NMI: variants seen among roughly 807,000 people sequenced by gnomAD.
NMI encodes the protein N-myc-interactor.
In NMI, 39 loss-of-function variants were observed where a neutral mutation model predicts 34.3. The ratio of observed to expected loss-of-function variants is 1.14; its 90% CI spans 0.88 to 1.49. NMI has a LOEUF of 1.49. Ranked by LOEUF, NMI falls within the 40% of genes most tolerant of loss-of-function variation. The pLI, the probability that NMI is intolerant of heterozygous loss-of-function variation, is 0.00. For missense variants in NMI, 339 were observed against 358.1 expected, an observed-to-expected ratio of 0.95 and a Z score of 0.43; for synonymous variants, 113 against 120.3, an observed-to-expected ratio of 0.94 and a Z score of 0.40.
At chr2:151,285,597 A>G (rs1683482553) in intron 1 of NMI, among the ~76,000 whole-genome samples, 1 of 151,878 alleles carries the variant, frequency 6.6e-6, no homozygotes, top group Non-Finnish European at 1.5e-5. Context: ...CAGAAAAAAA[A>G]AAAAAAAAAG....
intron 6 of NMI, among the ~76,000 whole-genome samples, chr2:151,274,344 C>CAAA (rs773276443): frequency 0.01 from 551 of 54,678 alleles, 78 homozygotes; most frequent in Non-Finnish European, 0.011. Context: ...CTCTGTCTCA[C>CAAA]AAAAAAAAAA....
In NMI at chr2:151,272,250, A is replaced by C. The variant is rs547904657; in HGVS notation, c.635-518T>G. Among the ~76,000 whole-genome samples, 12 of 152,372 alleles carry C rather than the reference A, an allele frequency of 7.9e-5. No individual in the cohort carries two copies. In the South Asian group the frequency reaches 2.5e-3, roughly 32 times the overall value. On this transcript the variant is annotated intron_variant, in intron 6 of 7. Transcript: ENST00000243346. Reference sequence around the variant, plus strand: ...AAATTCATCAGTTTTCTACAACACAAAGAATAGTCTATTTTTTAGCAGTAT... The same window carrying C: ...AAATTCATCAGTTTTCTACAACACACAGAATAGTCTATTTTTTAGCAGTAT...
rs566419006 is a variant in NMI at position 151,278,825 on chromosome 2, T to C, written c.340+3A>G. ...TGGTCATATTTTTTAACATTAGTCA[T>C]ACCTTCTTCTTTTTCAAAGGTGATA... On this transcript the variant is annotated splice_donor_region_variant and intron_variant, in intron 4 of 7. Coordinates refer to ENST00000243346, the MANE Select transcript of NMI (RefSeq NM_004688.3). 3.1e-6 allele frequency: 5 copies of C among 1,610,962 alleles called. No individual in the cohort carries two copies. In the South Asian group the frequency reaches 4.4e-5, roughly 14 times the overall value.
chr2:151,275,971 T>G lies in NMI; in HGVS notation c.341-107A>C, dbSNP rs570376977. On this transcript the variant is annotated intron_variant, in intron 4 of 7. Coordinates refer to ENST00000243346, the MANE Select transcript of NMI (RefSeq NM_004688.3). ...TGAATATTTTTAATTTTCTTTAATA[T>G]TAAAGGGTCTAATTTTAAAAATTTG... 1.1e-3 allele frequency: 796 copies of G among 754,868 alleles called. 11 individuals are homozygous for G. The Middle Eastern group carries it at 0.032, about 30-fold the overall frequency. 46.8% of individuals were successfully genotyped at this position (754,868 alleles called of 1,614,324 possible).
At chr2:151,281,827 C>A (rs1683410710) in intron 3 of NMI, 121 bp downstream of exon 3, 2 of 660,216 alleles carry the variant, frequency 3.0e-6, no homozygotes, top group Non-Finnish European at 5.4e-6. Context: ...TGAACTATTA[C>A]AAATGGTGGT....
At chr2:151,283,067 C>G (rs1683435541) in intron 1 of NMI, 113 bp from the exon 2 acceptor site, 1 of 483,312 alleles carries the variant, frequency 2.1e-6, no homozygotes, top group African/African-American at 2.0e-5. Context: ...TTTGCTATAT[C>G]TTTTTTTCCC....
intron 3 of NMI, among the ~76,000 whole-genome samples, chr2:151,279,223 T>C (rs1216121402): frequency 6.6e-6 from 1 of 152,196 alleles, no homozygotes; most frequent in Non-Finnish European, 1.5e-5. Context: ...TAAAAATATA[T>C]AATCCTCTCA....
chr2:151,279,856 C>A (rs965944704), intron 3 of NMI, among the ~76,000 whole-genome samples: 1 of 152,034 alleles, frequency 6.6e-6, no homozygotes, highest in African/African-American at 2.4e-5. Flanking sequence ...TTAACCATTA[C>A]CACAACTTAG....
intron 2 of NMI, 146 bp from the exon 3 acceptor site, chr2:151,282,189 A>G: frequency 1.8e-6 from 1 of 564,566 alleles, no homozygotes. Context: ...TGAATAATGC[A>G]TTTGTTGAAT....
chr2:151,274,600 C>G (rs967677448), intron 6 of NMI, among the ~76,000 whole-genome samples: 1 of 150,782 alleles, frequency 6.6e-6, no homozygotes, highest in Non-Finnish European at 1.5e-5. Context: ...CTGAGCCCCC[C>G]GAGTAGCTGG....
At chr2:151,270,900 G>C in intron 7 of NMI, 25 bp from the exon 8 acceptor site, 3 of 1,556,760 alleles carry the variant, frequency 1.9e-6, no homozygotes, top group Non-Finnish European at 2.6e-6. Flanking sequence ...ATGATAAATA[G>C]AAAGATTTCT....
Position 151,270,774 on chromosome 2 carries a change from T to C in NMI, c.843A>G (p.Gln281=), listed in dbSNP as rs370193979. 18 of 1,613,974 alleles carry C rather than the reference T, an allele frequency of 1.1e-5. No individual in the cohort carries two copies. In the Middle Eastern group the frequency reaches 5.0e-4, roughly 44 times the overall value. ...CTTCTCCACCTCCATTCTTTGCCCGTTGAAAGTGAATGTTAATTAAATCCT... is the reference window on the plus strand; with the variant it reads ...CTTCTCCACCTCCATTCTTTGCCCGCTGAAAGTGAATGTTAATTAAATCCT... ...IVEDLINIHF[Q]RAKNGGGEVD... The change falls in exon 8 of 8, where the codon CAA becomes CAG. Residue 281 remains glutamine, a synonymous_variant. Transcript: ENST00000243346.
intron 1 of NMI, among the ~76,000 whole-genome samples, chr2:151,286,423 C>T (rs1683497880): frequency 2.0e-5 from 3 of 152,318 alleles, no homozygotes; most frequent in African/African-American, 4.8e-5. Flanking sequence ...TGATCCTCAA[C>T]TGGATCCTTT....
At chr2:151,280,015 G>C (rs1046250990) in intron 3 of NMI, among the ~76,000 whole-genome samples, 1 of 151,938 alleles carries the variant, frequency 6.6e-6, no homozygotes, top group Non-Finnish European at 1.5e-5. Flanking sequence ...GGCCAACATG[G>C]TAAAACCCAT....
At chr2:151,281,823 A>G (rs981212687) in intron 3 of NMI, 125 bp downstream of exon 3, 9 of 657,602 alleles carry the variant, frequency 1.4e-5, no homozygotes, top group African/African-American at 3.7e-5. Context: ...ATTTTGAACT[A>G]TTACAAATGG....
intron 1 of NMI, among the ~76,000 whole-genome samples, chr2:151,283,609 C>CCAAAAAACTTTG (rs1683446643): frequency 6.6e-6 from 1 of 152,186 alleles, no homozygotes; most frequent in Non-Finnish European, 1.5e-5. Context: ...GGTTTTCCAA[C>CCAAAAAACTTTG]GTTTTTCAAA....
chr2:151,281,949 T>G lies in NMI; in HGVS notation c.176A>C (p.Gln59Pro). 1.4e-6 allele frequency: 2 copies of G among 1,454,452 alleles called. No homozygotes were observed. Among genetic ancestry groups the G allele is most frequent in the South Asian group, 1.2e-5 (1 of 84,546 alleles). The allele number at this position is 1,454,452 out of a possible 1,614,324, so 90.1% of individuals were successfully genotyped here. A position where few individuals can be genotyped will look rare whatever the true frequency, so the allele number is the denominator to read the frequency against. The stretch of plus-strand genomic sequence containing the variant: ...TATATAAAATAATTAAGAGAGTACC[T>G]GGAATTCTTTGGTAGCCTCTTGTAA... ...TELQEATKEF[Q>P]IKEDIPETKM... is the part of the protein sequence containing the mutation. Residue 59 changes from glutamine (Q) to proline (P), a missense_variant and splice_region_variant, in exon 3 of 8, where the codon CAG becomes CCG. Transcript: ENST00000243346.
At position 151,270,838 on chromosome 2, in the gene NMI, G is replaced by T. The variant is rs1259722462; in HGVS notation, c.779C>A (p.Thr260Lys). 6 of 1,613,594 alleles carry T rather than the reference G, an allele frequency of 3.7e-6. No homozygotes were observed. The highest frequency in any genetic ancestry group is 5.1e-6 in the Non-Finnish European group (6 of 1,179,768). Residue 260 changes from threonine (T) to lysine (K), a missense_variant, in exon 8 of 8, where the codon ACA becomes AAA. By Grantham distance (78) the Thr-to-Lys change is moderately conservative (BLOSUM62 -1). Transcript: ENST00000243346. ...ATCCATTTGAATGCCTTCCATTCCT[G>T]TCAGAAGCACTGTCCTCTTAGATGT... The part of the protein sequence containing the change: ...SGTSKRTVLL[T>K]GMEGIQMDEE...
At chr2:151,282,235 A>T (rs3771887) in intron 2 of NMI, among the ~76,000 whole-genome samples, 192 bp from the exon 3 acceptor site, 90,598 of 152,010 alleles carry the variant, frequency 0.6, 27,260 homozygotes, top group Admixed American at 0.66. Flanking sequence ...TAACATTGCC[A>T]AGTAGTACTA....
Sources: allele counts gnomAD v4.1 joint callset (sites outside exome capture counted in the v4.1 genomes callset), GRCh38; gene constraint gnomAD v4.1.1; transcripts MANE v1.5; gene names NCBI Gene and HGNC (gene_info 2026-07-23, HGNC 2026-07-21).